Variants in RALGAPA1 observed in about 807,000 individuals in gnomAD.
RALGAPA1 encodes ral GTPase-activating protein subunit alpha-1.
RALGAPA1 carries 52 observed loss-of-function variants against 269.6 expected under a neutral mutation model. That is an observed-to-expected ratio of 0.19 (90% CI 0.15 to 0.24). The LOEUF is 0.24. Ranked by LOEUF, RALGAPA1 falls within the 10% of genes least tolerant of loss-of-function variation. The pLI is 1.00. For missense variants in RALGAPA1, 1,917 were observed against 3,013.9 expected (o/e 0.64, Z 8.52); for synonymous variants, 817 against 1,008.3 (o/e 0.81, Z 3.60).
intron 39 of RALGAPA1, among the ~76,000 whole-genome samples, chr14:35,569,929 C>A (rs753964907): frequency 1.1e-4 from 16 of 152,074 alleles, no homozygotes; most frequent in Non-Finnish European, 1.9e-4. Flanking sequence ...GAGTACCTGA[C>A]ACATAATGGG....
intron 3 of RALGAPA1, among the ~76,000 whole-genome samples, chr14:35,774,277 C>G (rs573938134): frequency 6.6e-6 from 1 of 152,182 alleles, no homozygotes; most frequent in Admixed American, 6.5e-5. Flanking sequence ...AACTGATTTC[C>G]AAATTATTTT....
At chr14:35,552,475 C>T (rs1315419802) in intron 39 of RALGAPA1, among the ~76,000 whole-genome samples, 1 of 152,046 alleles carries the variant, frequency 6.6e-6, no homozygotes, top group Non-Finnish European at 1.5e-5. Flanking sequence ...CTCAAGCTAT[C>T]GTTTTATATG....
intron 26 of RALGAPA1, among the ~76,000 whole-genome samples, chr14:35,666,235 G>A (rs1322782963): frequency 6.6e-6 from 1 of 151,866 alleles, no homozygotes; most frequent in African/African-American, 2.4e-5. Context: ...TAGCATGTCT[G>A]CTCCTAACTG....
At chr14:35,629,283 GT>G (rs1469937252) in intron 33 of RALGAPA1, among the ~76,000 whole-genome samples, 482 of 10,890 alleles carry the variant, frequency 0.044, 3 homozygotes, top group African/African-American at 0.052. Flanking sequence ...TGTTTAGGGG[GT>G]GTGTGTGTGT....
chr14:35,732,380 C>T (rs2070572861), intron 12 of RALGAPA1, among the ~76,000 whole-genome samples: 1 of 150,400 alleles, frequency 6.6e-6, no homozygotes, highest in Non-Finnish European at 1.5e-5. Context: ...ACAAATAGCA[C>T]AATGAATGGA....
intron 17 of RALGAPA1, among the ~76,000 whole-genome samples, chr14:35,697,535 A>G (rs1000455149): frequency 6.6e-6 from 1 of 151,598 alleles, no homozygotes; most frequent in African/African-American, 2.4e-5. Flanking sequence ...TTTAGTAGAG[A>G]TGGGGTTTCA....
chr14:35,550,791 G>T (rs900771933), intron 39 of RALGAPA1, among the ~76,000 whole-genome samples: 3 of 152,048 alleles, frequency 2.0e-5, no homozygotes, highest in Admixed American at 2.0e-4. Context: ...CTGTACACTG[G>T]GGGTGAACTT....
intron 26 of RALGAPA1, among the ~76,000 whole-genome samples, chr14:35,666,953 A>G (rs554377115): frequency 6.6e-6 from 1 of 152,342 alleles, no homozygotes; most frequent in South Asian, 2.1e-4. Flanking sequence ...TTTTGCTAGT[A>G]TCCAAGAGAT....
At chr14:35,736,101 A>G (rs2070968614) in intron 12 of RALGAPA1, among the ~76,000 whole-genome samples, 1 of 152,204 alleles carries the variant, frequency 6.6e-6, no homozygotes, top group Non-Finnish European at 1.5e-5. Flanking sequence ...ACAATATTAC[A>G]GATGAAAGAT....
intron 41 of RALGAPA1, chr14:35,542,418 T>C (rs2054097363): frequency 6.3e-6 from 1 of 157,546 alleles, no homozygotes; most frequent in African/African-American, 2.4e-5. Flanking sequence ...CAAAAACAAT[T>C]CTTCCATGTC....
At chr14:35,742,062 A>G (rs2071600544) in intron 11 of RALGAPA1, among the ~76,000 whole-genome samples, 1 of 152,168 alleles carries the variant, frequency 6.6e-6, no homozygotes, top group Non-Finnish European at 1.5e-5. Flanking sequence ...TTTAAAATCC[A>G]TTTTGATGTA....
chr14:35,737,133 T>C (rs956547620), intron 12 of RALGAPA1, among the ~76,000 whole-genome samples: 1 of 150,968 alleles, frequency 6.6e-6, no homozygotes, highest in Non-Finnish European at 1.5e-5. Flanking sequence ...TATGAATTCA[T>C]AGATAAGAAA....
chr14:35,652,801 A>T (rs1332173870), intron 30 of RALGAPA1, among the ~76,000 whole-genome samples: 3 of 152,190 alleles, frequency 2.0e-5, no homozygotes, highest in African/African-American at 7.2e-5. Context: ...GACATTATTT[A>T]AAAAAAGGCA....
At chr14:35,703,957 C>A (rs1479020984) in intron 16 of RALGAPA1, among the ~76,000 whole-genome samples, 1 of 151,844 alleles carries the variant, frequency 6.6e-6, no homozygotes, top group Non-Finnish European at 1.5e-5. Flanking sequence ...ATAAGAAATT[C>A]ATGGACCGCA....
intron 21 of RALGAPA1, among the ~76,000 whole-genome samples, chr14:35,680,504 C>T (rs1394181693): frequency 1.3e-5 from 2 of 152,162 alleles, no homozygotes; most frequent in Non-Finnish European, 1.5e-5. Context: ...GCCACCACAC[C>T]AAGCCAAGAA....
intron 16 of RALGAPA1, among the ~76,000 whole-genome samples, chr14:35,712,428 C>G (rs1025303907): frequency 1.3e-5 from 2 of 152,182 alleles, no homozygotes; most frequent in Middle Eastern, 3.4e-3. Flanking sequence ...ACATTTCTTG[C>G]AAAGCAAGTA....
intron 11 of RALGAPA1, among the ~76,000 whole-genome samples, chr14:35,741,466 G>T (rs996893676): frequency 6.6e-6 from 1 of 151,394 alleles, no homozygotes; most frequent in South Asian, 2.1e-4. Flanking sequence ...ACATATACAC[G>T]TATACACACA....
intron 37 of RALGAPA1, among the ~76,000 whole-genome samples, chr14:35,594,745 G>T (rs2058831568): frequency 6.6e-6 from 1 of 151,282 alleles, no homozygotes; most frequent in Non-Finnish European, 1.5e-5. Context: ...AAGTACGGAG[G>T]TTCTTAAAGA....
In RALGAPA1 at chr14:35,748,612, T is replaced by C; in HGVS notation, c.1224A>G (p.Val408=). The change falls in exon 10 of 42, where the codon GTA becomes GTG. Residue 408 remains valine, a synonymous_variant. Coordinates refer to ENST00000680220, the MANE Select transcript of RALGAPA1 (RefSeq NM_001346249.2). ...RRVFSSKRSN[V]NFVTEIFRQA... ...GACGAAATATCTCTGTCACAAAGTT[T>C]ACATTACTCCTTTTAGAAGAAAAAA... The C allele has an allele frequency of 3.7e-6, 6 of 1,609,842 alleles. No homozygotes were observed. The highest frequency in any genetic ancestry group is 5.1e-6 in the Non-Finnish European group (6 of 1,177,910).
Sources: gnomAD v4.1 joint callset for allele counts (sites outside exome capture counted in the v4.1 genomes callset) on GRCh38, gnomAD v4.1.1 for gene constraint, MANE v1.5 for transcripts, NCBI Gene and HGNC (gene_info 2026-07-23, HGNC 2026-07-21) for gene names.